NAALADL2: variants seen among roughly 807,000 people sequenced by gnomAD.
NAALADL2 encodes inactive N-acetylated-alpha-linked acidic dipeptidase-like protein 2.
A neutral mutation model predicts 87.2 loss-of-function variants in NAALADL2; 76 were observed. The observed-to-expected ratio is 0.87, with a 90% CI of 0.72 to 1.05. The LOEUF (loss-of-function observed/expected upper bound fraction) is 1.05, where lower values mean the gene tolerates loss of function less well. NAALADL2 is among the 50% of genes least tolerant of loss of function. The pLI is 0.00. For synonymous variants in NAALADL2, 354 were observed against 331.0 expected (o/e 1.07, Z -0.75); for missense variants, 1,089 against 945.8 (o/e 1.15, Z -1.99).
intron 13 of NAALADL2, among the ~76,000 whole-genome samples, chr3:175,783,678 A>G (rs1751480067): frequency 6.6e-6 from 1 of 151,632 alleles, no homozygotes; most frequent in South Asian, 2.1e-4. Flanking sequence ...TCTTTTCCTA[A>G]TTGAATACCC....
intron 2 of NAALADL2, among the ~76,000 whole-genome samples, chr3:174,663,781 TTC>T (rs1725715216): frequency 1.5e-5 from 2 of 129,790 alleles, no homozygotes; most frequent in African/African-American, 2.8e-5. Flanking sequence ...TTCACTGGAT[TTC>T]TTTTTTTTTT....
At chr3:174,497,841 G>T (rs1718641082) in intron 1 of NAALADL2, among the ~76,000 whole-genome samples, 1 of 152,142 alleles carries the variant, frequency 6.6e-6, no homozygotes, top group South Asian at 2.1e-4. Context: ...TCTAATGCTT[G>T]TCAGTACTAG....
At position 175,105,201 on chromosome 3, in the gene NAALADL2, A is replaced by G. The variant is rs533964204; in HGVS notation, c.545+7910A>G. 2.0e-5 allele frequency among the ~76,000 whole-genome samples: 3 copies of G among 152,202 alleles called. No homozygotes were observed. In the South Asian group the frequency reaches 6.2e-4, roughly 32 times the overall value. On this transcript the variant is annotated intron_variant, in intron 2 of 13. Coordinates refer to ENST00000454872, the MANE Select transcript of NAALADL2 (RefSeq NM_207015.3). The stretch of plus-strand genomic sequence containing the variant: ...AATTCTCTATTTGCCTTTGCAACCC[A>G]CAGTACTTCATTTCCTCCCATTTTG...
chr3:174,987,918 C>T (rs1408541630), intron 1 of NAALADL2, among the ~76,000 whole-genome samples: 1 of 150,788 alleles, frequency 6.6e-6, no homozygotes, highest in Non-Finnish European at 1.5e-5. Context: ...TGGGTCATCC[C>T]ACCTTTGCCT....
chr3:174,559,892 A>T (rs1713373325), intron 2 of NAALADL2, among the ~76,000 whole-genome samples: 1 of 152,178 alleles, frequency 6.6e-6, no homozygotes, highest in African/African-American at 2.4e-5. Flanking sequence ...CCATTGCACT[A>T]CCTTGTAATG....
chr3:175,529,002 A>AT (rs1338960671), intron 9 of NAALADL2, among the ~76,000 whole-genome samples: 3 of 152,012 alleles, frequency 2.0e-5, no homozygotes, highest in African/African-American at 7.3e-5. Context: ...CAGGTCGTGG[A>AT]TTTTTTCCTG....
chr3:175,422,158 A>G (rs1715816825), intron 5 of NAALADL2, among the ~76,000 whole-genome samples: 1 of 152,152 alleles, frequency 6.6e-6, no homozygotes, highest in South Asian at 2.1e-4. Context: ...AAATATTTAA[A>G]GACTTCAATT....
intron 1 of NAALADL2, among the ~76,000 whole-genome samples, chr3:175,029,932 A>AG (rs1429690742): frequency 6.6e-6 from 1 of 152,064 alleles, no homozygotes; most frequent in Non-Finnish European, 1.5e-5. Context: ...CAGGCAATAT[A>AG]TATGTTAGAA....
chr3:174,467,498 C>T (rs1191788061), intron 1 of NAALADL2, among the ~76,000 whole-genome samples: 1 of 149,050 alleles, frequency 6.7e-6, no homozygotes, highest in African/African-American at 2.5e-5. Context: ...GAAGCTGAAC[C>T]AGGAGAATTG....
At chr3:174,463,927 T>C (rs994500506) in intron 1 of NAALADL2, among the ~76,000 whole-genome samples, 1 of 152,122 alleles carries the variant, frequency 6.6e-6, no homozygotes, top group Non-Finnish European at 1.5e-5. Context: ...TTTTCTTTTG[T>C]ATTCAGATTT....
chr3:175,232,968 A>G (rs1745206492), intron 2 of NAALADL2, among the ~76,000 whole-genome samples: 1 of 152,162 alleles, frequency 6.6e-6, no homozygotes, highest in South Asian at 2.1e-4. Flanking sequence ...TCTAGGTACT[A>G]TACAAAATTT....
At chr3:175,208,903 G>C (rs1741360617) in intron 2 of NAALADL2, among the ~76,000 whole-genome samples, 1 of 152,146 alleles carries the variant, frequency 6.6e-6, no homozygotes, top group South Asian at 2.1e-4. Flanking sequence ...TGTCCAGGTT[G>C]CATTTTAGAA....
chr3:175,222,475 C>A (rs1743528763), intron 2 of NAALADL2, among the ~76,000 whole-genome samples: 1 of 152,186 alleles, frequency 6.6e-6, no homozygotes, highest in Non-Finnish European at 1.5e-5. Context: ...ATGTTTCCTA[C>A]TCAGCTATTT....
intron 2 of NAALADL2, among the ~76,000 whole-genome samples, chr3:174,629,660 T>C (rs1417523885): frequency 6.6e-6 from 1 of 152,202 alleles, no homozygotes; most frequent in Non-Finnish European, 1.5e-5. Context: ...TCTGATACCG[T>C]TATATCTTTT....
chr3:174,647,618 ATGGCCAATTTACACTGGGTG>A (rs1723929824), intron 2 of NAALADL2, among the ~76,000 whole-genome samples: 1 of 152,226 alleles, frequency 6.6e-6, no homozygotes, highest in African/African-American at 2.4e-5. Context: ...AGCCAGTGCC[ATGGCCAATTTACACTGGGTG>A]TGGGGAACCT....
intron 3 of NAALADL2, among the ~76,000 whole-genome samples, chr3:174,838,922 C>CA (rs1199601933): frequency 6.6e-6 from 1 of 152,078 alleles, no homozygotes; most frequent in Non-Finnish European, 1.5e-5. Context: ...ACCATACTGC[C>CA]AAATACAATC....
chr3:175,786,355 G>A (rs567728415), intron 13 of NAALADL2, among the ~76,000 whole-genome samples: 2 of 152,050 alleles, frequency 1.3e-5, no homozygotes, highest in African/African-American at 4.8e-5. Flanking sequence ...ATGTAGATTT[G>A]GTCTTTTCAC....
chr3:175,762,911 C>T (rs552144113), intron 13 of NAALADL2, among the ~76,000 whole-genome samples: 1 of 151,882 alleles, frequency 6.6e-6, no homozygotes, highest in South Asian at 2.1e-4. Context: ...GGTGAAACCC[C>T]GTCTCTACTA....
intron 13 of NAALADL2, among the ~76,000 whole-genome samples, chr3:175,798,090 G>A (rs918194319): frequency 5.3e-5 from 8 of 151,834 alleles, no homozygotes; most frequent in Non-Finnish European, 8.8e-5. Flanking sequence ...GTGGTTTTCA[G>A]CACACAAAAA....
Sources: gnomAD v4.1 joint callset for allele counts (sites outside exome capture counted in the v4.1 genomes callset) on GRCh38, gnomAD v4.1.1 for gene constraint, MANE v1.5 for transcripts, NCBI Gene and HGNC (gene_info 2026-07-23, HGNC 2026-07-21) for gene names.